LPP: variants seen among roughly 807,000 people sequenced by gnomAD.
The protein encoded by LPP is LIM domain containing preferred translocation partner in lipoma.
In LPP, 38 loss-of-function variants were observed where a neutral mutation model predicts 60.4. The observed-to-expected ratio is 0.63, with a 90% confidence interval of 0.49 to 0.83. The LOEUF (loss-of-function observed/expected upper bound fraction) is 0.83, where lower values mean the gene tolerates loss of function less well. LPP is among the 40% of genes least tolerant of loss of function. The pLI, the probability that LPP is intolerant of heterozygous loss-of-function variation, is 0.00. For missense variants in LPP, 902 were observed against 783.6 expected, an observed-to-expected ratio of 1.15 and a Z score of -1.80; for synonymous variants, 328 against 290.8, an observed-to-expected ratio of 1.13 and a Z score of -1.30.
chr3:188,755,962 A>G (rs1252727788), intron 8 of LPP, among the ~76,000 whole-genome samples: 1 of 151,656 alleles, frequency 6.6e-6, no homozygotes, highest in Non-Finnish European at 1.5e-5. Context: ...ATCCCCAAAA[A>G]TGACTTGTTA....
chr3:188,212,372 C>G (rs1181638487), intron 1 of LPP, among the ~76,000 whole-genome samples: 1 of 152,024 alleles, frequency 6.6e-6, no homozygotes, highest in African/African-American at 2.4e-5. Context: ...GAGGTTTTTT[C>G]CTGGAATAGG....
At chr3:188,756,497 G>A (rs142665653) in intron 8 of LPP, among the ~76,000 whole-genome samples, 5 of 152,266 alleles carry the variant, frequency 3.3e-5, no homozygotes, top group African/African-American at 7.2e-5. Flanking sequence ...TAAAAGATGG[G>A]CCTTAAGATT....
At chr3:188,806,048 G>A (rs1749026530) in intron 9 of LPP, among the ~76,000 whole-genome samples, 1 of 151,730 alleles carries the variant, frequency 6.6e-6, no homozygotes, top group Non-Finnish European at 1.5e-5. Context: ...TGTGTATTCT[G>A]CTATTATTAG....
At chr3:188,639,525 T>C (rs1402946751) in intron 7 of LPP, among the ~76,000 whole-genome samples, 2 of 151,342 alleles carry the variant, frequency 1.3e-5, no homozygotes, top group Non-Finnish European at 2.9e-5. Flanking sequence ...TGGGATCTAA[T>C]TAAACTAAAG....
At chr3:188,514,408 T>G (rs1816718059) in intron 5 of LPP, among the ~76,000 whole-genome samples, 1 of 151,984 alleles carries the variant, frequency 6.6e-6, no homozygotes, top group South Asian at 2.1e-4. Context: ...CAGCCATAGC[T>G]CATCCCTGTG....
intron 2 of LPP, among the ~76,000 whole-genome samples, chr3:188,307,736 G>A (rs570188253): frequency 3.9e-5 from 6 of 152,264 alleles, no homozygotes; most frequent in African/African-American, 1.4e-4. Flanking sequence ...CTCTAGTGAG[G>A]GAGATAGATA....
intron 3 of LPP, among the ~76,000 whole-genome samples, chr3:188,380,881 C>T (rs917642575): frequency 2.6e-5 from 4 of 152,224 alleles, no homozygotes; most frequent in African/African-American, 4.8e-5. Flanking sequence ...TCAGTCTTTA[C>T]AGCCCATTCT....
intron 5 of LPP, among the ~76,000 whole-genome samples, chr3:188,499,359 C>T (rs1811163116): frequency 6.6e-6 from 1 of 152,100 alleles, no homozygotes; most frequent in African/African-American, 2.4e-5. Context: ...ATTAAATTTT[C>T]CCAGCACCAT....
intron 9 of LPP, among the ~76,000 whole-genome samples, chr3:188,793,602 A>G (rs1306647324): frequency 6.6e-6 from 1 of 152,150 alleles, no homozygotes; most frequent in Admixed American, 6.6e-5. Flanking sequence ...GCCTACTCAT[A>G]TGGGAGTATA....
At position 188,880,689 on chromosome 3, in the gene LPP, C is replaced by A; in HGVS notation, c.*6210C>A. The A allele has an allele frequency of 5.4e-6, 1 of 185,688 alleles. No individual in the cohort carries two copies. Among genetic ancestry groups the A allele is most frequent in the South Asian group, 2.0e-4 (1 of 5,114 alleles). 11.5% of individuals were successfully genotyped at this position (185,688 alleles called of 1,614,324 possible). ...TTTATGTAACATACCCAAATAAAAACGTTATTAAACAGCCACAATCGCATT... is the reference window on the plus strand; with the variant it reads ...TTTATGTAACATACCCAAATAAAAAAGTTATTAAACAGCCACAATCGCATT... On this transcript the variant is annotated 3_prime_UTR_variant, in exon 12 of 12. Coordinates refer to ENST00000617246, the MANE Select transcript of LPP (RefSeq NM_001375462.1).
intron 9 of LPP, among the ~76,000 whole-genome samples, chr3:188,829,420 T>G (rs1756536881): frequency 6.6e-6 from 1 of 152,156 alleles, no homozygotes; most frequent in South Asian, 2.1e-4. Flanking sequence ...TTCTGTCCAG[T>G]GGGAGTCACC....
intron 9 of LPP, among the ~76,000 whole-genome samples, chr3:188,775,053 G>GCGTT (rs1737278650): frequency 7.8e-6 from 1 of 127,658 alleles, no homozygotes; most frequent in Non-Finnish European, 1.8e-5. Flanking sequence ...TACATGCTTA[G>GCGTT]TGTTTTTTTT....
chr3:188,778,967 G>A (rs1738706846), intron 9 of LPP, among the ~76,000 whole-genome samples: 1 of 152,172 alleles, frequency 6.6e-6, no homozygotes, highest in African/African-American at 2.4e-5. Flanking sequence ...GTGTGTTTGT[G>A]TGTAGAAATG....
chr3:188,192,530 G>C (rs1273352635), intron 1 of LPP, among the ~76,000 whole-genome samples: 1 of 152,192 alleles, frequency 6.6e-6, no homozygotes, highest in African/African-American at 2.4e-5. Context: ...GTGTTAGGCA[G>C]TTAGCAAACA....
intron 8 of LPP, among the ~76,000 whole-genome samples, chr3:188,714,919 T>C (rs1713189658): frequency 1.3e-5 from 2 of 152,148 alleles, no homozygotes; most frequent in African/African-American, 4.8e-5. Flanking sequence ...AGTAGAAAGT[T>C]GGGGGTAGGA....
At chr3:188,156,152 GA>G (rs1402456527) in intron 1 of LPP, among the ~76,000 whole-genome samples, 1 of 152,198 alleles carries the variant, frequency 6.6e-6, no homozygotes, top group Non-Finnish European at 1.5e-5. Context: ...TACCTATTCT[GA>G]ATGGTAGGGG....
rs1381275186 is a variant in LPP at position 188,302,173 on chromosome 3, C to T, written c.-66-39490C>T. Reference sequence around the variant, plus strand: ...GAAAGCTGCTTTGCATTTACTCTCTCGTTTAATTCTCCCATCCTTCCTTCA... The same window carrying T: ...GAAAGCTGCTTTGCATTTACTCTCTTGTTTAATTCTCCCATCCTTCCTTCA... On this transcript the variant is annotated intron_variant, in intron 2 of 11. Transcript: ENST00000617246. Among the ~76,000 whole-genome samples, 7 of 152,198 alleles carry T rather than the reference C, an allele frequency of 4.6e-5. No individual in the cohort carries two copies. In the East Asian group the frequency reaches 1.2e-3, roughly 25 times the overall value.
chr3:188,221,507 A>G (rs953714729), intron 1 of LPP, among the ~76,000 whole-genome samples: 3 of 152,180 alleles, frequency 2.0e-5, no homozygotes, highest in Non-Finnish European at 4.4e-5. Flanking sequence ...TGAATGCAGA[A>G]CATGTGACAT....
intron 9 of LPP, among the ~76,000 whole-genome samples, chr3:188,821,883 A>G (rs1444141652): frequency 2.6e-5 from 4 of 152,104 alleles, no homozygotes; most frequent in Non-Finnish European, 5.9e-5. Flanking sequence ...TCCTTAAACA[A>G]CTTTTGTGTG....
Sources: allele counts gnomAD v4.1 joint callset (sites outside exome capture counted in the v4.1 genomes callset), GRCh38; gene constraint gnomAD v4.1.1; transcripts MANE v1.5; gene names NCBI Gene and HGNC (gene_info 2026-07-23, HGNC 2026-07-21).